The following GFRA1 variants were observed in gnomAD, a reference collection of about 807,000 sequenced individuals.
GFRA1 encodes GDNF family receptor alpha-1.
A neutral mutation model predicts 51.6 loss-of-function variants in GFRA1; 16 were observed. The observed-to-expected ratio is 0.31, with a 90% confidence interval of 0.21 to 0.47. GFRA1 has a LOEUF of 0.47. Ranked by LOEUF, GFRA1 falls within the 20% of genes least tolerant of loss-of-function variation. The pLI is 1.00. For missense variants in GFRA1, 530 were observed against 594.3 expected (o/e 0.89, Z 1.13); for synonymous variants, 270 against 241.3 (o/e 1.12, Z -1.10).
intron 4 of GFRA1, among the ~76,000 whole-genome samples, chr10:116,220,620 G>A (rs899432446): frequency 6.6e-6 from 1 of 152,166 alleles, no homozygotes; most frequent in African/African-American, 2.4e-5. Flanking sequence ...ATTCTAAGAA[G>A]CTGTTCTAAA....
At chr10:116,113,919 G>A (rs1362426530) in intron 6 of GFRA1, among the ~76,000 whole-genome samples, 3 of 152,054 alleles carry the variant, frequency 2.0e-5, no homozygotes, top group East Asian at 1.9e-4. Context: ...ATCATCACCC[G>A]CACCACCGTC....
intron 6 of GFRA1, among the ~76,000 whole-genome samples, chr10:116,122,810 C>T (rs1222346792): frequency 6.6e-6 from 1 of 152,198 alleles, no homozygotes; most frequent in Non-Finnish European, 1.5e-5. Context: ...GAAGACTCAT[C>T]CACAGCTCCA....
intron 5 of GFRA1, among the ~76,000 whole-genome samples, chr10:116,173,021 C>T (rs985624178): frequency 2.0e-5 from 3 of 152,206 alleles, no homozygotes; most frequent in African/African-American, 7.2e-5. Context: ...AAGGAGACAA[C>T]AGTAATCTGG....
chr10:116,121,541 C>T (rs1957645180), intron 6 of GFRA1, among the ~76,000 whole-genome samples: 1 of 152,214 alleles, frequency 6.6e-6, no homozygotes, highest in Admixed American at 6.5e-5. Context: ...GAGACAGGTT[C>T]TGTGCAGAGG....
chr10:116,150,280 C>T (rs1310115513), intron 5 of GFRA1, among the ~76,000 whole-genome samples: 1 of 152,250 alleles, frequency 6.6e-6, no homozygotes, highest in Non-Finnish European at 1.5e-5. Flanking sequence ...CTTTGATAAC[C>T]GAGCTTCCTC....
In GFRA1 at chr10:116,165,665, T is replaced by TCA. The variant is rs56684075; in HGVS notation, c.434-40110_434-40109dup. Among the ~76,000 whole-genome samples, 704 of 149,556 alleles carry TCA rather than the reference T, an allele frequency of 4.7e-3. 5 individuals are homozygous for TCA. The highest frequency in any genetic ancestry group is 0.014 in the African/African-American group (576 of 40,316). On this transcript the variant is annotated intron_variant, in intron 5 of 10. Transcript: ENST00000355422. ...CTTTCATGTGCTCTTTCTCTCACTC[T>TCA]CACACACACACACACACACACACTC...
In GFRA1 at chr10:116,172,508, G is replaced by A. The variant is rs113746606; in HGVS notation, c.433+39123C>T. 2.4e-4 allele frequency among the ~76,000 whole-genome samples: 37 copies of A among 152,272 alleles called. 1 individual carries two copies. The highest frequency in any genetic ancestry group is 7.9e-4 in the African/African-American group (33 of 41,558). Reference sequence around the variant, plus strand: ...AGGAACTCCAGATTCAGTGGGAATAGGGGATGCAAAGGCTTCCAAGAGGAA... The same window carrying A: ...AGGAACTCCAGATTCAGTGGGAATAAGGGATGCAAAGGCTTCCAAGAGGAA... On this transcript the variant is annotated intron_variant, in intron 5 of 10. Transcript: ENST00000355422.
In GFRA1 at chr10:116,062,263, A is replaced by G; in HGVS notation, c.*2135T>C. ...GTAGATACACAGAGATACCTTAATGAAAACAAAATACACTCTGTAAGAGAT... is the reference window on the plus strand; with the variant it reads ...GTAGATACACAGAGATACCTTAATGGAAACAAAATACACTCTGTAAGAGAT... On this transcript the variant is annotated 3_prime_UTR_variant, in exon 11 of 11. Transcript: ENST00000355422. The G allele has an allele frequency of 2.5e-6, 1 of 397,126 alleles. No individual in the cohort carries two copies. The allele number at this position is 397,126 out of a possible 1,614,324, so 24.6% of individuals were successfully genotyped here. A position where few individuals can be genotyped will look rare whatever the true frequency, so the allele number is the denominator to read the frequency against.
intron 4 of GFRA1, among the ~76,000 whole-genome samples, chr10:116,218,130 A>G (rs965969128): frequency 3.9e-5 from 6 of 152,154 alleles, no homozygotes; most frequent in African/African-American, 1.4e-4. Context: ...CAGCGATCTA[A>G]GAGGTTGCGG....
At chr10:116,094,071 G>C (rs938799291) in intron 7 of GFRA1, among the ~76,000 whole-genome samples, 9 of 152,164 alleles carry the variant, frequency 5.9e-5, no homozygotes, top group Non-Finnish European at 1.2e-4. Context: ...GCTGCACTTA[G>C]GGTATTCCTT....
At chr10:116,164,704 C>A (rs1158173633) in intron 5 of GFRA1, among the ~76,000 whole-genome samples, 1 of 152,184 alleles carries the variant, frequency 6.6e-6, no homozygotes, top group Non-Finnish European at 1.5e-5. Context: ...GGAATTCTTA[C>A]TGTTAAAGTC....
chr10:116,218,973 T>C (rs1214082896), intron 4 of GFRA1, among the ~76,000 whole-genome samples: 1 of 152,046 alleles, frequency 6.6e-6, no homozygotes, highest in Admixed American at 6.6e-5. Flanking sequence ...AGGCACACAG[T>C]GCTCACTAAA....
intron 4 of GFRA1, among the ~76,000 whole-genome samples, chr10:116,214,585 T>G (rs1965432566): frequency 6.6e-6 from 1 of 152,226 alleles, no homozygotes; most frequent in Non-Finnish European, 1.5e-5. Context: ...GCACAAAAGC[T>G]CATCACTATT....
chr10:116,102,912 T>C (rs1956872096), intron 6 of GFRA1, among the ~76,000 whole-genome samples: 1 of 152,196 alleles, frequency 6.6e-6, no homozygotes, highest in African/African-American at 2.4e-5. Context: ...CTGGAGTGTT[T>C]CTCTAAACCC....
At chr10:116,207,334 C>A (rs551716113) in intron 5 of GFRA1, among the ~76,000 whole-genome samples, 137 of 114,450 alleles carry the variant, frequency 1.2e-3, no homozygotes, top group African/African-American at 5.8e-3. Context: ...GTTTGTTTAA[C>A]CTTTAACTAA....
intron 5 of GFRA1, among the ~76,000 whole-genome samples, chr10:116,151,269 GT>G (rs1589827435): frequency 1.3e-5 from 2 of 152,346 alleles, no homozygotes; most frequent in African/African-American, 4.8e-5. Context: ...AATGAAGCAA[GT>G]TGGGTTGGCC....
intron 6 of GFRA1, among the ~76,000 whole-genome samples, chr10:116,111,051 C>T (rs1265834999): frequency 6.6e-6 from 1 of 152,174 alleles, no homozygotes; most frequent in Non-Finnish European, 1.5e-5. Flanking sequence ...CCCACGTTCC[C>T]TCCTGACAAC....
intron 9 of GFRA1, among the ~76,000 whole-genome samples, chr10:116,084,150 G>A (rs1191493907): frequency 6.6e-6 from 1 of 152,162 alleles, no homozygotes; most frequent in African/African-American, 2.4e-5. Context: ...GGGCTAGCAT[G>A]GTCTGATGGC....
chr10:116,183,217 G>A (rs1436746577), intron 5 of GFRA1, among the ~76,000 whole-genome samples: 1 of 152,136 alleles, frequency 6.6e-6, no homozygotes, highest in Non-Finnish European at 1.5e-5. Flanking sequence ...GCTGGGCCTG[G>A]GGTTCAAAGT....
Sources: allele counts gnomAD v4.1 joint callset (sites outside exome capture counted in the v4.1 genomes callset), GRCh38; gene constraint gnomAD v4.1.1; transcripts MANE v1.5; gene names NCBI Gene and HGNC (gene_info 2026-07-23, HGNC 2026-07-21).